Variants in KDM2A observed in about 807,000 individuals in gnomAD.
The protein encoded by KDM2A is lysine demethylase 2A, also known as lysine-specific demethylase 2A.
A neutral mutation model predicts 137.3 loss-of-function variants in KDM2A; 3 were observed. The ratio of observed to expected loss-of-function variants is 0.02; its 90% confidence interval spans 0.01 to 0.06. The LOEUF (loss-of-function observed/expected upper bound fraction) is 0.06. KDM2A is among the 10% of genes least tolerant of loss of function. KDM2A has a pLI of 1.00. For missense variants in KDM2A, 738 were observed against 1,510.6 expected (o/e 0.49, Z 8.48); for synonymous variants, 512 against 541.5 (o/e 0.95, Z 0.76).
At position 67,120,883 on chromosome 11, in the gene KDM2A, G is replaced by A. The variant is rs189362118; in HGVS notation, c.-83-351G>A. Among the ~76,000 whole-genome samples, 173 of 151,968 alleles carry A rather than the reference G, an allele frequency of 1.1e-3. 1 individual carries two copies. The highest frequency in any genetic ancestry group is 3.2e-4 in the Non-Finnish European group (22 of 67,990). The stretch of plus-strand genomic sequence containing the variant: ...GGATTAGTTCAGTGGTGCTTCACCT[G>A]GTCAGCTCTCTGGAGATAAAAGTCC... On this transcript the variant is annotated intron_variant, in intron 1 of 20. Transcript: ENST00000529006.
chr11:67,185,919 A>G (rs1857193705), intron 5 of KDM2A, among the ~76,000 whole-genome samples: 1 of 151,994 alleles, frequency 6.6e-6, no homozygotes, highest in Non-Finnish European at 1.5e-5. Flanking sequence ...CTGTGAGCGA[A>G]TAAATTTCTG....
rs778158562 is a variant in KDM2A, at chr11:67,231,972, A to T, written c.1479+12A>T. ...TTGCTGATGTAAAGGTAAGGGTTTGATGTGTTACATGACAGCTACTGATCC... is the reference window on the plus strand; with the variant it reads ...TTGCTGATGTAAAGGTAAGGGTTTGTTGTGTTACATGACAGCTACTGATCC... On this transcript the variant is annotated intron_variant, in intron 12 of 20. Transcript: ENST00000529006. 6.9e-6 allele frequency: 11 copies of T among 1,596,598 alleles called. No homozygotes were observed. Among genetic ancestry groups the T allele is most frequent in the Non-Finnish European group, 9.4e-6 (11 of 1,171,504 alleles).
At chr11:67,234,346 C>G (rs1038910624) in intron 12 of KDM2A, among the ~76,000 whole-genome samples, 12 of 152,130 alleles carry the variant, frequency 7.9e-5, no homozygotes, top group African/African-American at 2.9e-4. Context: ...GTTTACCCTT[C>G]CTGCAGAGAA....
chr11:67,207,365 G>A (rs928102708), intron 5 of KDM2A, 145 bp from the exon 6 acceptor site: 54 of 535,078 alleles, frequency 1.0e-4, no homozygotes, highest in Non-Finnish European at 1.5e-4. Flanking sequence ...ATTTGATTAT[G>A]ATTGTTGAGT....
chr11:67,144,658 C>G (rs930707280), intron 2 of KDM2A, among the ~76,000 whole-genome samples: 3 of 151,568 alleles, frequency 2.0e-5, no homozygotes, highest in African/African-American at 7.3e-5. Context: ...TCCACAGTCT[C>G]CTGGGCTCAG....
chr11:67,242,278 ATGTGTGTG>A (rs35881675), intron 12 of KDM2A, among the ~76,000 whole-genome samples: 1 of 148,190 alleles, frequency 6.7e-6, no homozygotes, highest in Middle Eastern at 3.4e-3. Flanking sequence ...GGGTGTGTGT[ATGTGTGTG>A]TGTGTGTGTG....
intron 2 of KDM2A, among the ~76,000 whole-genome samples, chr11:67,172,085 A>T (rs745787325): frequency 6.6e-6 from 1 of 152,060 alleles, no homozygotes; most frequent in African/African-American, 2.4e-5. Flanking sequence ...AACCTCCGGG[A>T]CTCAAGCCAT....
chr11:67,144,472 G>A lies in KDM2A; in HGVS notation c.42+23114G>A, dbSNP rs756365230. ...TCTCCATGTTGGTCAGGCTGGTCTT[G>A]AACTCCTGACCTCAGGTGATCCACC... On this transcript the variant is annotated intron_variant, in intron 2 of 20. Coordinates refer to ENST00000529006, the MANE Select transcript of KDM2A (RefSeq NM_012308.3). 1.1e-3 allele frequency among the ~76,000 whole-genome samples: 163 copies of A among 151,916 alleles called. 2 individuals are homozygous for A. The highest frequency in any genetic ancestry group is 1.5e-3 in the Non-Finnish European group (104 of 67,950).
At chr11:67,135,688 TTTGTCTC>T (rs1855957356) in intron 2 of KDM2A, among the ~76,000 whole-genome samples, 1 of 152,258 alleles carries the variant, frequency 6.6e-6, no homozygotes, top group South Asian at 2.1e-4. Flanking sequence ...AAAGTACTTC[TTTGTCTC>T]TTGTGTCTTT....
At chr11:67,142,593 TG>T (rs1317604123) in intron 2 of KDM2A, among the ~76,000 whole-genome samples, 2 of 24,480 alleles carry the variant, frequency 8.2e-5, no homozygotes, top group Non-Finnish European at 1.7e-4. Flanking sequence ...GGGTTGGGGT[TG>T]GGGGGGCGTC....
intron 5 of KDM2A, among the ~76,000 whole-genome samples, chr11:67,199,384 A>G (rs1262671607): frequency 6.6e-6 from 1 of 152,230 alleles, no homozygotes; most frequent in Non-Finnish European, 1.5e-5. Flanking sequence ...AAGCCAAGAT[A>G]GGCCTTTTAC....
chr11:67,129,889 C>T (rs1034083095), intron 2 of KDM2A, among the ~76,000 whole-genome samples: 2 of 147,316 alleles, frequency 1.4e-5, no homozygotes, highest in African/African-American at 2.6e-5. Context: ...CCAGCCTGGG[C>T]GACAGAGACT....
At chr11:67,131,401 T>C (rs1855851674) in intron 2 of KDM2A, among the ~76,000 whole-genome samples, 1 of 150,320 alleles carries the variant, frequency 6.7e-6, no homozygotes, top group South Asian at 2.1e-4. Context: ...GCTACTTTAG[T>C]GTTTTCTTTT....
Position 67,257,009 on chromosome 11 carries a change from CTTA to C in KDM2A, c.*1959_*1961del, listed in dbSNP as rs1388498106. On this transcript the variant is annotated 3_prime_UTR_variant, in exon 21 of 21. Coordinates refer to ENST00000529006, the MANE Select transcript of KDM2A (RefSeq NM_012308.3). ...AGAACCCTGGGTATTGAGCAAAAACCTTATTATCGTTAATGACCTATAATTGGA... is the reference window on the plus strand; with the variant it reads ...AGAACCCTGGGTATTGAGCAAAAACCTTATCGTTAATGACCTATAATTGGA... 6.6e-6 allele frequency: 1 copy of C among 152,584 alleles called. No individual in the cohort carries two copies. Among genetic ancestry groups the C allele is most frequent in the African/African-American group, 2.4e-5 (1 of 41,436 alleles). 9.5% of individuals were successfully genotyped at this position (152,584 alleles called of 1,614,324 possible).
At chr11:67,148,184 C>A (rs1487148136) in intron 2 of KDM2A, among the ~76,000 whole-genome samples, 1 of 151,878 alleles carries the variant, frequency 6.6e-6, no homozygotes, top group Non-Finnish European at 1.5e-5. Context: ...CTTTGGTAGA[C>A]CAAATTGGGA....
intron 10 of KDM2A, among the ~76,000 whole-genome samples, chr11:67,224,640 A>T (rs1410354737): frequency 6.7e-6 from 1 of 149,664 alleles, no homozygotes; most frequent in African/African-American, 2.5e-5. Context: ...GCCAATTTTT[A>T]TATTTTTAGT....
chr11:67,238,717 G>T (rs574841064), intron 12 of KDM2A, among the ~76,000 whole-genome samples: 29 of 152,280 alleles, frequency 1.9e-4, no homozygotes, highest in African/African-American at 6.3e-4. Flanking sequence ...AAATAAATAA[G>T]AATGCTTAAG....
At chr11:67,188,425 T>C (rs1164998282) in intron 5 of KDM2A, among the ~76,000 whole-genome samples, 1 of 146,496 alleles carries the variant, frequency 6.8e-6, no homozygotes, top group Non-Finnish European at 1.5e-5. Context: ...GAGCTTGCAC[T>C]GAGCTGAGAT....
intron 2 of KDM2A, among the ~76,000 whole-genome samples, chr11:67,177,400 G>T (rs955336585): frequency 6.6e-6 from 1 of 151,762 alleles, no homozygotes; most frequent in African/African-American, 2.4e-5. Context: ...ATTATACCAC[G>T]TACAAAAGCA....
Sources: gnomAD v4.1 joint callset for allele counts (sites outside exome capture counted in the v4.1 genomes callset) on GRCh38, gnomAD v4.1.1 for gene constraint, MANE v1.5 for transcripts, NCBI Gene and HGNC (gene_info 2026-07-23, HGNC 2026-07-21) for gene names.